TMEM163: variants seen among roughly 807,000 people sequenced by gnomAD.
The protein encoded by TMEM163 is transmembrane protein 163.
A neutral mutation model predicts 29.3 loss-of-function variants in TMEM163; 17 were observed. That is an observed-to-expected ratio of 0.58 (90% CI 0.40 to 0.87). TMEM163 has a LOEUF of 0.87. Among genes scored for constraint, TMEM163 ranks in the 40% least tolerant of loss-of-function variants. The pLI, the probability that TMEM163 is intolerant of heterozygous loss-of-function variation, is 0.00. For missense variants in TMEM163, 303 were observed against 381.5 expected (o/e 0.79, Z 1.71); for synonymous variants, 157 against 160.6 (o/e 0.98, Z 0.17).
intron 2 of TMEM163, among the ~76,000 whole-genome samples, chr2:134,617,875 C>T (rs563969985): frequency 6.6e-6 from 1 of 152,062 alleles, no homozygotes; most frequent in South Asian, 2.1e-4. Flanking sequence ...CTTTGGGAGG[C>T]CAAGGTGGGA....
chr2:134,477,926 T>G (rs1686956912), intron 5 of TMEM163, among the ~76,000 whole-genome samples: 2 of 152,224 alleles, frequency 1.3e-5, no homozygotes, highest in Admixed American at 1.3e-4. Flanking sequence ...TTCCAAATGT[T>G]GGAGGTGGGG....
chr2:134,538,232 A>C (rs1316528004), intron 4 of TMEM163, among the ~76,000 whole-genome samples: 1 of 152,200 alleles, frequency 6.6e-6, no homozygotes, highest in Non-Finnish European at 1.5e-5. Context: ...TCCTCATAAA[A>C]GAGGCCCGAG....
At chr2:134,674,494 C>CAA (rs1302796821) in intron 2 of TMEM163, among the ~76,000 whole-genome samples, 1 of 85,068 alleles carries the variant, frequency 1.2e-5, no homozygotes, top group South Asian at 2.9e-4. Context: ...CAGGCGCGCG[C>CAA]GCGCGCGCGC....
intron 6 of TMEM163, among the ~76,000 whole-genome samples, chr2:134,461,871 C>T (rs1037274311): frequency 1.3e-5 from 2 of 152,216 alleles, no homozygotes; most frequent in Admixed American, 6.5e-5. Flanking sequence ...TGGCTGGCAG[C>T]CTCAGGGAAC....
intron 2 of TMEM163, among the ~76,000 whole-genome samples, chr2:134,568,976 T>A (rs1241479065): frequency 1.3e-5 from 2 of 152,210 alleles, no homozygotes; most frequent in Non-Finnish European, 2.9e-5. Context: ...GAAATCACTA[T>A]GCCAAAGACC....
At chr2:134,482,638 A>C (rs538686501) in intron 5 of TMEM163, among the ~76,000 whole-genome samples, 1 of 152,228 alleles carries the variant, frequency 6.6e-6, no homozygotes, top group South Asian at 2.1e-4. Context: ...ACTTTTCATC[A>C]CCACTTTCCC....
At chr2:134,483,577 T>G (rs1325976874) in intron 5 of TMEM163, among the ~76,000 whole-genome samples, 2 of 152,172 alleles carry the variant, frequency 1.3e-5, no homozygotes, top group Non-Finnish European at 2.9e-5. Flanking sequence ...TCAATTTTAT[T>G]TGAAACATAA....
chr2:134,466,176 A>AT lies in TMEM163; in HGVS notation c.604dup (p.Ile202AsnfsTer16). The AT allele has an allele frequency of 6.2e-7, 1 of 1,614,092 alleles. No homozygotes were observed. The highest frequency in any genetic ancestry group is 8.5e-7 in the Non-Finnish European group (1 of 1,180,008). The stretch of plus-strand genomic sequence containing the variant: ...CAGCATGAACTTCAACACGGCCAGG[A>AT]TGCTGCAAAGAATCCCACTTAAAAT... On this transcript the variant is annotated frameshift_variant, in exon 6 of 8. Transcript: ENST00000281924. LOFTEE classifies it high-confidence loss of function.
intron 2 of TMEM163, among the ~76,000 whole-genome samples, chr2:134,612,968 G>T (rs1175443690): frequency 6.6e-6 from 1 of 152,138 alleles, no homozygotes; most frequent in East Asian, 1.9e-4. Context: ...AAAACTTTAA[G>T]TCAGCTTTTA....
At chr2:134,483,900 T>C (rs961269787) in intron 5 of TMEM163, among the ~76,000 whole-genome samples, 1 of 152,160 alleles carries the variant, frequency 6.6e-6, no homozygotes, top group African/African-American at 2.4e-5. Flanking sequence ...TCCCAGCACT[T>C]TGGGAGGCCA....
At chr2:134,665,869 C>G (rs550798621) in intron 2 of TMEM163, among the ~76,000 whole-genome samples, 16 of 152,298 alleles carry the variant, frequency 1.1e-4, no homozygotes, top group African/African-American at 3.8e-4. Flanking sequence ...TAAGCTCCAC[C>G]TGGCTTGTGG....
chr2:134,605,279 G>A (rs1483656535), intron 2 of TMEM163, among the ~76,000 whole-genome samples: 1 of 151,898 alleles, frequency 6.6e-6, no homozygotes, highest in Non-Finnish European at 1.5e-5. Flanking sequence ...CAATTTTTCT[G>A]TGGTATTCCA....
At chr2:134,561,385 T>C (rs1681178723) in intron 2 of TMEM163, among the ~76,000 whole-genome samples, 1 of 151,486 alleles carries the variant, frequency 6.6e-6, no homozygotes, top group South Asian at 2.1e-4. Flanking sequence ...TTTGTATTTT[T>C]TTTTAGTGGA....
intron 2 of TMEM163, among the ~76,000 whole-genome samples, chr2:134,668,413 C>G (rs567897259): frequency 5.9e-5 from 9 of 152,232 alleles, no homozygotes; most frequent in African/African-American, 2.2e-4. Context: ...TAACATTCTT[C>G]CAAACACTCA....
At chr2:134,475,566 G>GA (rs1327712238) in intron 5 of TMEM163, among the ~76,000 whole-genome samples, 49 of 150,426 alleles carry the variant, frequency 3.3e-4, no homozygotes, top group African/African-American at 1.1e-3. Flanking sequence ...CCATGATACA[G>GA]AAAAAAAAAT....
In TMEM163 at chr2:134,615,382, C is replaced by T. The variant is rs555144873; in HGVS notation, c.323-63291G>A. On this transcript the variant is annotated intron_variant, in intron 2 of 7. Coordinates refer to ENST00000281924, the MANE Select transcript of TMEM163 (RefSeq NM_030923.5). ...GTGGACAATGTTCCAAAAATATCAGCGGTTTATAAGTGGATAGCTCATTTT... is the reference window on the plus strand; with the variant it reads ...GTGGACAATGTTCCAAAAATATCAGTGGTTTATAAGTGGATAGCTCATTTT... 8.5e-5 allele frequency among the ~76,000 whole-genome samples: 13 copies of T among 152,260 alleles called. No individual in the cohort carries two copies. In the South Asian group the frequency reaches 2.5e-3, roughly 29 times the overall value.
chr2:134,476,657 G>T (rs922760227), intron 5 of TMEM163, among the ~76,000 whole-genome samples: 1 of 152,144 alleles, frequency 6.6e-6, no homozygotes, highest in Non-Finnish European at 1.5e-5. Flanking sequence ...AACCACAGTC[G>T]TTGTAAAGAT....
At chr2:134,461,208 G>T (rs1686527119) in intron 6 of TMEM163, among the ~76,000 whole-genome samples, 1 of 152,242 alleles carries the variant, frequency 6.6e-6, no homozygotes, top group Non-Finnish European at 1.5e-5. Context: ...GGCACAAAAT[G>T]ATGGCTGAGG....
chr2:134,504,339 C>T (rs1558925689), intron 4 of TMEM163, among the ~76,000 whole-genome samples: 1 of 151,914 alleles, frequency 6.6e-6, no homozygotes, highest in South Asian at 2.1e-4. Context: ...CAAAAAAGAA[C>T]AGAGATGGAA....
Sources: allele counts gnomAD v4.1 joint callset (sites outside exome capture counted in the v4.1 genomes callset), GRCh38; gene constraint gnomAD v4.1.1; transcripts MANE v1.5; gene names NCBI Gene and HGNC (gene_info 2026-07-23, HGNC 2026-07-21).